HIVEP3: variants seen among roughly 807,000 people sequenced by gnomAD.
The protein encoded by HIVEP3 is HIVEP zinc finger 3.
In HIVEP3, 49 loss-of-function variants were observed where a neutral mutation model predicts 152.8. That is an observed-to-expected ratio of 0.32 (90% CI 0.26 to 0.41). The LOEUF is 0.41. HIVEP3 is among the 10% of genes least tolerant of loss of function. HIVEP3 has a pLI of 1.00. For missense variants in HIVEP3, 2,790 were observed against 3,103.3 expected, an observed-to-expected ratio of 0.90 and a Z score of 2.40; for synonymous variants, 1,269 against 1,289.0, an observed-to-expected ratio of 0.98 and a Z score of 0.33.
intron 5 of HIVEP3, among the ~76,000 whole-genome samples, chr1:41,528,750 T>C (rs61720801): frequency 0.99 from 107,601 of 108,404 alleles, 53,408 homozygotes; most frequent in East Asian, 1. Context: ...CCTCACATAC[T>C]CCATCCTCAC....
At chr1:41,570,231 G>C (rs775422865) in intron 5 of HIVEP3, among the ~76,000 whole-genome samples, 1 of 152,232 alleles carries the variant, frequency 6.6e-6, no homozygotes, top group Non-Finnish European at 1.5e-5. Context: ...GTGAGAAAGT[G>C]TAACCAGTCA....
chr1:41,784,236 T>C (rs1488610410), intron 1 of HIVEP3, among the ~76,000 whole-genome samples: 4 of 152,240 alleles, frequency 2.6e-5, no homozygotes, highest in Non-Finnish European at 4.4e-5. Flanking sequence ...CTAGGCCATA[T>C]TGTAAGGTTT....
chr1:41,792,834 T>C (rs1401134085), intron 1 of HIVEP3, among the ~76,000 whole-genome samples: 1 of 152,188 alleles, frequency 6.6e-6, no homozygotes, highest in Non-Finnish European at 1.5e-5. Context: ...TCCAGAACCA[T>C]AGCCAGAAAT....
chr1:41,854,016 C>T (rs72963226), intron 1 of HIVEP3, among the ~76,000 whole-genome samples: 1,830 of 152,220 alleles, frequency 0.012, 30 homozygotes, highest in African/African-American at 0.041. Flanking sequence ...AGAGCGAAGA[C>T]GTGGAAACCA....
chr1:41,567,038 C>G (rs901128005), intron 5 of HIVEP3, among the ~76,000 whole-genome samples: 1 of 152,184 alleles, frequency 6.6e-6, no homozygotes, highest in South Asian at 2.1e-4. Context: ...TGCCAAATGT[C>G]TCCCTGAACA....
intron 1 of HIVEP3, among the ~76,000 whole-genome samples, chr1:41,733,065 C>A (rs373462697): frequency 2.0e-5 from 3 of 152,208 alleles, no homozygotes; most frequent in Non-Finnish European, 4.4e-5. Flanking sequence ...TCAGAGCACA[C>A]TGGGAAATCA....
intron 2 of HIVEP3, among the ~76,000 whole-genome samples, chr1:41,688,943 C>T (rs1262764589): frequency 6.6e-6 from 1 of 152,192 alleles, no homozygotes; most frequent in Admixed American, 6.5e-5. Context: ...TCCCAGCCTC[C>T]TCAGAGAGCC....
In HIVEP3 at chr1:41,964,149, A is replaced by C. The variant is rs576986665; in HGVS notation, n.120-45625T>G. On this transcript the variant is annotated intron_variant and non_coding_transcript_variant, in intron 1 of 3. Coordinates refer to the HIVEP3 transcript ENST00000489103. ...AAGATGGCTGCCTAGAAGCAGCTGC[A>C]GTCGGCAGCTCCCACTGAGAAGAAC... is the stretch of plus-strand genomic sequence containing the variant. Among the ~76,000 whole-genome samples, 176 of 152,398 alleles carry C rather than the reference A, an allele frequency of 1.2e-3. 3 individuals are homozygous for C. The highest frequency in any genetic ancestry group is 3.8e-3 in the African/African-American group (160 of 41,602).
chr1:41,757,217 GC>G (rs1400485509), intron 1 of HIVEP3, among the ~76,000 whole-genome samples: 1 of 151,414 alleles, frequency 6.6e-6, no homozygotes, highest in Non-Finnish European at 1.5e-5. Flanking sequence ...CCAGGTTCAC[GC>G]CATTCTCCTG....
intron 1 of HIVEP3, among the ~76,000 whole-genome samples, chr1:41,889,424 C>T (rs542197072): frequency 6.6e-6 from 1 of 152,132 alleles, no homozygotes; most frequent in Non-Finnish European, 1.5e-5. Flanking sequence ...ACCTCATTAC[C>T]CAAAAGCCAC....
In HIVEP3 at chr1:41,707,861, C is replaced by T. The variant is rs544910734; in HGVS notation, c.-800-6866G>A. On this transcript the variant is annotated intron_variant, in intron 1 of 8. Transcript: ENST00000372583. ...CCTTACCTGCCCTAATGAATACATG[C>T]TCAATAACGGTTTGCTATCTGCAGC... is the stretch of plus-strand genomic sequence containing the variant. Among the ~76,000 whole-genome samples the T allele has an allele frequency of 4.5e-4, 68 of 152,348 alleles. No individual in the cohort carries two copies. The South Asian group carries it at 0.013, about 30-fold the overall frequency.
chr1:41,650,763 A>T (rs1645536593), intron 2 of HIVEP3, among the ~76,000 whole-genome samples: 1 of 152,170 alleles, frequency 6.6e-6, no homozygotes, highest in Non-Finnish European at 1.5e-5. Context: ...TATAAAAATG[A>T]GATTGTCCTA....
At chr1:41,775,197 C>G (rs1316457884) in intron 1 of HIVEP3, among the ~76,000 whole-genome samples, 1 of 152,184 alleles carries the variant, frequency 6.6e-6, no homozygotes, top group Non-Finnish European at 1.5e-5. Flanking sequence ...AACAAACTCC[C>G]TCCCTCCCTC....
chr1:41,899,762 C>T lies in HIVEP3; in HGVS notation c.-801+18651G>A, dbSNP rs984297830. 4.5e-4 allele frequency among the ~76,000 whole-genome samples: 69 copies of T among 152,184 alleles called. 1 individual carries two copies. Among genetic ancestry groups the T allele is most frequent in the African/African-American group, 1.6e-3 (67 of 41,434 alleles). ...GTGTCACCTTCATTGAATCATTTAA[C>T]TCTCCTAGTAGCTCTATGAAGTACT... On this transcript the variant is annotated intron_variant, in intron 1 of 8. Transcript: ENST00000372583.
At position 41,665,707 on chromosome 1, in the gene HIVEP3, TACACAC is replaced by T. The variant is rs10530354; in HGVS notation, c.-721+35203_-721+35208del. ...AATGCTTGTTTCCACGGAAATGTTA[TACACAC>T]ACACACACACACACACACACACACA... On this transcript the variant is annotated intron_variant, in intron 2 of 8. Transcript: ENST00000372583. Among the ~76,000 whole-genome samples, 12 of 128,022 alleles carry T rather than the reference TACACAC, an allele frequency of 9.4e-5. No homozygotes were observed. In the East Asian group the frequency reaches 2.2e-3, roughly 24 times the overall value. The allele number at this position is 128,022 out of a possible 152,430, so 84.0% of individuals were successfully genotyped here. A position where few individuals can be genotyped will look rare whatever the true frequency, so the allele number is the denominator to read the frequency against.
chr1:41,860,732 T>C (rs1643877014), intron 1 of HIVEP3, among the ~76,000 whole-genome samples: 1 of 152,224 alleles, frequency 6.6e-6, no homozygotes. Flanking sequence ...TGTTGGAGTT[T>C]CCTGCTGGGT....
chr1:41,711,889 A>C (rs1248346615), intron 1 of HIVEP3, among the ~76,000 whole-genome samples: 1 of 152,216 alleles, frequency 6.6e-6, no homozygotes, highest in African/African-American at 2.4e-5. Context: ...ATAAAAGGGA[A>C]GGCAGGCTCT....
At chr1:41,599,072 C>T (rs923833308) in intron 3 of HIVEP3, among the ~76,000 whole-genome samples, 7 of 152,122 alleles carry the variant, frequency 4.6e-5, no homozygotes, top group African/African-American at 1.7e-4. Context: ...CCACCTTGGC[C>T]TCCCAAAGTG....
intron 1 of HIVEP3, among the ~76,000 whole-genome samples, chr1:41,916,388 C>T (rs1644871926): frequency 6.6e-6 from 1 of 152,190 alleles, no homozygotes; most frequent in Non-Finnish European, 1.5e-5. Context: ...CAGACTTTGC[C>T]ATCAAATTAA....
Sources: gnomAD v4.1 joint callset for allele counts (sites outside exome capture counted in the v4.1 genomes callset) on GRCh38, gnomAD v4.1.1 for gene constraint, MANE v1.5 for transcripts, NCBI Gene and HGNC (gene_info 2026-07-23, HGNC 2026-07-21) for gene names.